ANKHD1: variants seen among roughly 807,000 people sequenced by gnomAD.
ANKHD1 encodes ankyrin repeat and KH domain-containing protein 1.
In ANKHD1, 31 loss-of-function variants were observed where a neutral mutation model predicts 230.5. The ratio of observed to expected loss-of-function variants is 0.13; its 90% CI spans 0.10 to 0.18. ANKHD1 has a LOEUF of 0.18. ANKHD1 is among the 10% of genes least tolerant of loss of function. ANKHD1 has a pLI of 1.00. For synonymous variants in ANKHD1, 1,074 were observed against 1,117.6 expected (o/e 0.96, Z 0.78); for missense variants, 2,256 against 3,071.3 (o/e 0.73, Z 6.27).
At chr5:140,505,946 A>G (rs1479996003) in intron 18 of ANKHD1, 77 bp downstream of exon 18, 7 of 1,505,304 alleles carry the variant, frequency 4.7e-6, no homozygotes, top group Non-Finnish European at 6.2e-6. Context: ...TATTTTAGCT[A>G]CATGAATAAA....
At chr5:140,486,908 T>C (rs1161988307) in intron 13 of ANKHD1, 50 bp from the exon 14 acceptor site, 2 of 1,569,642 alleles carry the variant, frequency 1.3e-6, no homozygotes, top group Non-Finnish European at 1.7e-6. Flanking sequence ...TTATGGGCCT[T>C]TGTCTTATTC....
At chr5:140,518,167 C>T (rs1722844126) in intron 24 of ANKHD1, among the ~76,000 whole-genome samples, 1 of 152,180 alleles carries the variant, frequency 6.6e-6, no homozygotes, top group African/African-American at 2.4e-5. Context: ...CACCTCTACG[C>T]AAATAAACTA....
chr5:140,452,180 C>T (rs1294161894), intron 7 of ANKHD1, among the ~76,000 whole-genome samples: 1 of 152,144 alleles, frequency 6.6e-6, no homozygotes, highest in East Asian at 1.9e-4. Context: ...GGGAGGGGCA[C>T]CCACCATTGC....
At chr5:140,488,185 T>C (rs936048772) in intron 14 of ANKHD1, among the ~76,000 whole-genome samples, 1 of 152,224 alleles carries the variant, frequency 6.6e-6, no homozygotes, top group Non-Finnish European at 1.5e-5. Flanking sequence ...AGTAAAATAT[T>C]TAAAGCTAAA....
chr5:140,505,064 C>T, intron 16 of ANKHD1, 58 bp from the exon 17 acceptor site: 1 of 1,604,244 alleles, frequency 6.2e-7, no homozygotes, highest in Non-Finnish European at 8.5e-7. Flanking sequence ...ATATTATTTG[C>T]TCTTAAATTG....
At chr5:140,534,186 A>G (rs1753970884) in intron 29 of ANKHD1, among the ~76,000 whole-genome samples, 2 of 152,072 alleles carry the variant, frequency 1.3e-5, no homozygotes, top group South Asian at 4.1e-4. Flanking sequence ...AGGTCAGGAG[A>G]TCGAGACCAT....
chr5:140,403,474 C>T (rs1356181033), intron 1 of ANKHD1, among the ~76,000 whole-genome samples: 3 of 148,460 alleles, frequency 2.0e-5, no homozygotes, highest in South Asian at 2.1e-4. Flanking sequence ...TGCAGTGGCG[C>T]GATCTCGGCA....
intron 14 of ANKHD1, among the ~76,000 whole-genome samples, chr5:140,488,594 A>AG (rs1169026411): frequency 6.6e-6 from 1 of 151,748 alleles, no homozygotes; most frequent in Non-Finnish European, 1.5e-5. Flanking sequence ...CTCAAAAAAA[A>AG]AAAAAATCAT....
intron 1 of ANKHD1, among the ~76,000 whole-genome samples, chr5:140,432,384 G>A (rs1220279348): frequency 6.6e-6 from 1 of 152,046 alleles, no homozygotes; most frequent in Non-Finnish European, 1.5e-5. Context: ...ATGTTTTCAA[G>A]GTTCATCTAT....
intron 10 of ANKHD1, among the ~76,000 whole-genome samples, chr5:140,478,860 T>C (rs1751108850): frequency 6.6e-6 from 1 of 152,112 alleles, no homozygotes; most frequent in African/African-American, 2.4e-5. Flanking sequence ...GTCAGGCTGG[T>C]CTGGAACTCC....
intron 1 of ANKHD1, among the ~76,000 whole-genome samples, chr5:140,426,810 T>C (rs2126885493): frequency 6.6e-6 from 1 of 152,336 alleles, no homozygotes; most frequent in East Asian, 1.9e-4. Context: ...ACAGCACATG[T>C]TTCAGAGAGC....
intron 15 of ANKHD1, among the ~76,000 whole-genome samples, chr5:140,503,595 T>C (rs1752413476): frequency 7.9e-6 from 1 of 126,334 alleles, no homozygotes; most frequent in Non-Finnish European, 1.6e-5. Context: ...TGAGATGGAG[T>C]CTCACTCTGT....
At chr5:140,456,606 T>C (rs1234390787) in intron 7 of ANKHD1, among the ~76,000 whole-genome samples, 4 of 152,132 alleles carry the variant, frequency 2.6e-5, no homozygotes, top group Non-Finnish European at 5.9e-5. Context: ...AAGCAAGAAA[T>C]GGGGAAAGGA....
rs1428672378 is a variant in ANKHD1, at chr5:140,529,831, A to C, written c.6850+35A>C. 1.9e-6 allele frequency: 3 copies of C among 1,603,712 alleles called. No individual in the cohort carries two copies. The African/African-American group carries it at 4.0e-5, about 21-fold the overall frequency. ...TAACTATTGCTGCAGTTGAGTTTGGAGCTCCTATGGCCTAATCTCACCTTA... is the reference window on the plus strand; with the variant it reads ...TAACTATTGCTGCAGTTGAGTTTGGCGCTCCTATGGCCTAATCTCACCTTA... On this transcript the variant is annotated intron_variant, in intron 29 of 33. Transcript: ENST00000360839.
At chr5:140,477,324 A>T (rs964379414) in intron 10 of ANKHD1, among the ~76,000 whole-genome samples, 3 of 152,216 alleles carry the variant, frequency 2.0e-5, no homozygotes, top group Non-Finnish European at 4.4e-5. Flanking sequence ...TTTTTTTCAC[A>T]CACTTCTCAA....
chr5:140,490,284 CTT>C (rs938539461), intron 14 of ANKHD1, among the ~76,000 whole-genome samples: 6 of 152,072 alleles, frequency 3.9e-5, no homozygotes, highest in African/African-American at 1.2e-4. Context: ...TTTAGTAAAT[CTT>C]TTTATTATTC....
In ANKHD1 at chr5:140,453,296, G is replaced by A. The variant is rs553169354; in HGVS notation, c.1242+3991G>A. ...CAAGTTGGAATACACTCTGCAGGAT[G>A]TTATCCAGGAGAACCTCCCCAACCT... is the stretch of plus-strand genomic sequence containing the variant. On this transcript the variant is annotated intron_variant, in intron 7 of 33. Transcript: ENST00000360839. Among the ~76,000 whole-genome samples the A allele has an allele frequency of 1.4e-4, 22 of 152,308 alleles. No homozygotes were observed. In the East Asian group the frequency reaches 3.1e-3, roughly 21 times the overall value.
intron 1 of ANKHD1, among the ~76,000 whole-genome samples, chr5:140,414,127 G>T (rs1561682153): frequency 6.6e-6 from 1 of 152,054 alleles, no homozygotes; most frequent in South Asian, 2.1e-4. Context: ...CCACCATTGG[G>T]CTATTATGAA....
At chr5:140,504,534 T>C (rs992007833) in intron 15 of ANKHD1, among the ~76,000 whole-genome samples, 9 of 152,236 alleles carry the variant, frequency 5.9e-5, no homozygotes, top group Admixed American at 1.3e-4. Context: ...GTATTTTATC[T>C]GCATTGCCTC....
Sources: allele counts gnomAD v4.1 joint callset (sites outside exome capture counted in the v4.1 genomes callset), GRCh38; gene constraint gnomAD v4.1.1; transcripts MANE v1.5; gene names NCBI Gene and HGNC (gene_info 2026-07-23, HGNC 2026-07-21).